RPF2: variants seen among roughly 807,000 people sequenced by gnomAD.
RPF2 encodes the protein brix domain containing 1.
A neutral mutation model predicts 38.9 loss-of-function variants in RPF2; 21 were observed. That is an observed-to-expected ratio of 0.54 (90% CI 0.38 to 0.78). RPF2 has a LOEUF of 0.78. Among genes scored for constraint, RPF2 ranks in the 30% least tolerant of loss-of-function variants. RPF2 has a pLI of 0.00. For missense variants in RPF2, 314 were observed against 358.1 expected (o/e 0.88, Z 0.99); for synonymous variants, 121 against 126.2 (o/e 0.96, Z 0.28).
chr6:110,991,119 A>T (rs983352721), intron 3 of RPF2, among the ~76,000 whole-genome samples: 1 of 151,970 alleles, frequency 6.6e-6, no homozygotes. Context: ...TAACCCACAC[A>T]CTTCCTCCTG....
At chr6:111,008,164 C>T in intron 7 of RPF2, 27 bp downstream of exon 7, 1 of 1,573,922 alleles carries the variant, frequency 6.4e-7, no homozygotes, top group Non-Finnish European at 8.6e-7. Context: ...TTATTATCTT[C>T]AGGGTAGCTC....
At chr6:111,017,553 G>C (rs907061262) in intron 8 of RPF2, among the ~76,000 whole-genome samples, 1 of 149,222 alleles carries the variant, frequency 6.7e-6, no homozygotes, top group Non-Finnish European at 1.5e-5. Context: ...GCCGGGCAGA[G>C]ACGCTCCTCA....
intron 4 of RPF2, among the ~76,000 whole-genome samples, chr6:110,994,730 T>TACACACAC (rs1483788093): frequency 8.2e-5 from 8 of 97,268 alleles, no homozygotes; most frequent in African/African-American, 1.5e-4. Context: ...GGGATGAGTA[T>TACACACAC]ATATACACAC....
chr6:110,991,375 G>T (rs1450223666), intron 3 of RPF2, among the ~76,000 whole-genome samples: 1 of 148,090 alleles, frequency 6.8e-6, no homozygotes, highest in African/African-American at 2.5e-5. Context: ...ACTGTTGTAA[G>T]CCACTGTGCT....
At chr6:111,023,697 A>G (rs530418462) in intron 8 of RPF2, among the ~76,000 whole-genome samples, 20 of 152,270 alleles carry the variant, frequency 1.3e-4, no homozygotes, top group African/African-American at 4.3e-4. Context: ...TAAAAGACTT[A>G]TAAAGAAAAG....
chr6:110,984,426 A>C (rs568350697), intron 1 of RPF2, among the ~76,000 whole-genome samples: 50 of 152,326 alleles, frequency 3.3e-4, no homozygotes, highest in African/African-American at 1.1e-3. Flanking sequence ...TAAAAAAAAG[A>C]TTGGAAAGAG....
chr6:111,016,656 C>T (rs1435686712), intron 8 of RPF2, among the ~76,000 whole-genome samples: 2 of 145,150 alleles, frequency 1.4e-5, no homozygotes, highest in Non-Finnish European at 3.0e-5. Context: ...TAATGACATG[C>T]TGTAATTGTG....
intron 9 of RPF2, 66 bp from the exon 10 acceptor site, chr6:111,025,337 G>T: frequency 9.0e-7 from 1 of 1,109,846 alleles, no homozygotes. Context: ...AGTTGTTACA[G>T]ACTAGATTTT....
At chr6:111,024,001 T>G (rs1772278782) in intron 8 of RPF2, among the ~76,000 whole-genome samples, 182 bp from the exon 9 acceptor site, 1 of 151,964 alleles carries the variant, frequency 6.6e-6, no homozygotes, top group Non-Finnish European at 1.5e-5. Flanking sequence ...AAAAAAAAAT[T>G]TATAAAAGAA....
At chr6:110,985,983 G>A (rs1204432920) in intron 2 of RPF2, among the ~76,000 whole-genome samples, 1 of 152,028 alleles carries the variant, frequency 6.6e-6, no homozygotes, top group Non-Finnish European at 1.5e-5. Flanking sequence ...CACAGGGTAG[G>A]TTCCCCCAGA....
intron 3 of RPF2, among the ~76,000 whole-genome samples, chr6:110,990,440 G>A (rs1197858370): frequency 2.0e-5 from 3 of 151,966 alleles, no homozygotes; most frequent in Non-Finnish European, 4.4e-5. Flanking sequence ...AATTGATTGA[G>A]GTTATGCATG....
chr6:110,985,210 G>T (rs1294134486), intron 2 of RPF2, 72 bp downstream of exon 2: 2 of 1,313,296 alleles, frequency 1.5e-6, no homozygotes, highest in Non-Finnish European at 2.1e-6. Context: ...AGGATGGGCT[G>T]TCGGAGAAAT....
At chr6:110,984,858 A>AG in intron 1 of RPF2, 148 bp from the exon 2 acceptor site, 1 of 919,582 alleles carries the variant, frequency 1.1e-6, no homozygotes. Context: ...ACAAAAAAAA[A>AG]CAAACAAAAA....
chr6:111,018,675 C>T (rs999567004), intron 8 of RPF2, among the ~76,000 whole-genome samples: 20 of 152,072 alleles, frequency 1.3e-4, no homozygotes, highest in African/African-American at 4.8e-4. Context: ...TTAATACCAC[C>T]GCTTCTGTTT....
chr6:111,016,655 G>T (rs1386953145), intron 8 of RPF2, among the ~76,000 whole-genome samples: 2 of 147,600 alleles, frequency 1.4e-5, no homozygotes, highest in Non-Finnish European at 3.0e-5. Flanking sequence ...TTAATGACAT[G>T]CTGTAATTGT....
chr6:110,985,048 A>C lies in RPF2; in HGVS notation c.66A>C (p.Arg22Ser). 1.2e-6 allele frequency: 2 copies of C among 1,612,836 alleles called. No homozygotes were observed. Among genetic ancestry groups the C allele is most frequent in the Non-Finnish European group, 1.7e-6 (2 of 1,179,756 alleles). ...GAGCCAAGAGATTCCTTGAGAAGAG[A>C]GAACCGAAACTCAATGAAAATATTA... Reference protein sequence around the residue: ...TKRAKRFLEKREPKLNENIKN... With the variant: ...TKRAKRFLEKSEPKLNENIKN... Residue 22 changes from arginine (R) to serine (S), a missense_variant, in exon 2 of 10, where the codon AGA becomes AGC. By Grantham distance (110) the Arg-to-Ser change is moderately radical (BLOSUM62 -1). Coordinates refer to ENST00000441448, the MANE Select transcript of RPF2 (RefSeq NM_032194.3).
chr6:111,008,035 TAGAACA>T lies in RPF2; in HGVS notation c.394-2_397del. 1 of 1,553,076 alleles carries T rather than the reference TAGAACA, an allele frequency of 6.4e-7. No homozygotes were observed. Among genetic ancestry groups the T allele is most frequent in the Non-Finnish European group, 8.6e-7 (1 of 1,158,060 alleles). ...TATAATTGCTTTTTTTTTTTTTTTT[TAGAACA>T]GTAAATGTCCTGAGGGAACAAAACC... On this transcript the variant is annotated splice_acceptor_variant and coding_sequence_variant, in exon 7 of 10. Coordinates refer to ENST00000441448, the MANE Select transcript of RPF2 (RefSeq NM_032194.3). LOFTEE classifies it high-confidence loss of function.
At chr6:110,984,780 C>T (rs1023573913) in intron 1 of RPF2, among the ~76,000 whole-genome samples, 28 of 151,974 alleles carry the variant, frequency 1.8e-4, no homozygotes, top group African/African-American at 6.8e-4. Context: ...GTGGATGTTG[C>T]AGTGAGCCAA....
At chr6:111,001,043 A>G (rs1771804762) in intron 6 of RPF2, among the ~76,000 whole-genome samples, 1 of 152,132 alleles carries the variant, frequency 6.6e-6, no homozygotes, top group African/African-American at 2.4e-5. Context: ...TTATCCCGTG[A>G]GTTTGGAAAA....
Sources: gnomAD v4.1 joint callset for allele counts (sites outside exome capture counted in the v4.1 genomes callset) on GRCh38, gnomAD v4.1.1 for gene constraint, MANE v1.5 for transcripts, NCBI Gene and HGNC (gene_info 2026-07-23, HGNC 2026-07-21) for gene names.